The following TBL1X variants were observed in gnomAD, a reference collection of about 807,000 sequenced individuals.
The protein encoded by TBL1X is F-box-like/WD repeat-containing protein TBL1X.
Under a neutral mutation model 50.7 loss-of-function variants are expected in TBL1X, and 10 were observed. That is an observed-to-expected ratio of 0.20 (90% CI 0.12 to 0.33). The LOEUF (loss-of-function observed/expected upper bound fraction) is 0.33, where lower values mean the gene tolerates loss of function less well. TBL1X is among the 10% of genes least tolerant of loss of function. The probability of loss-of-function intolerance (pLI) is 1.00; values close to 1 mark genes in which losing one functional copy is unlikely to be tolerated. For missense variants in TBL1X, 340 were observed against 504.4 expected (o/e 0.67, Z 3.12); for synonymous variants, 190 against 214.7 (o/e 0.88, Z 1.01).
At chrX:9,468,317 C>G (rs1016265419) in intron 1 of TBL1X, among the ~76,000 whole-genome samples, 1 of 112,017 alleles carries the variant, frequency 8.9e-6, no homozygotes, top group Non-Finnish European at 1.9e-5. Context: ...AATGTTGCAG[C>G]CAACTAATGG....
At chrX:9,484,041 C>T (rs1744024835) in intron 1 of TBL1X, among the ~76,000 whole-genome samples, 2 of 112,174 alleles carry the variant, frequency 1.8e-5, no homozygotes, top group African/African-American at 6.5e-5. Context: ...TGTTTGTTTA[C>T]ATACATTTTT....
intron 1 of TBL1X, among the ~76,000 whole-genome samples, chrX:9,487,389 C>T (rs2081919064): frequency 9.0e-6 from 1 of 111,115 alleles, no homozygotes; most frequent in Admixed American, 9.6e-5. Flanking sequence ...TTCATAGATA[C>T]AGAATCATGT....
intron 2 of TBL1X, among the ~76,000 whole-genome samples, chrX:9,565,291 A>AAAAAAAT (rs2082345431): frequency 1.8e-5 from 2 of 108,146 alleles, no homozygotes; most frequent in Admixed American, 2.0e-4. Context: ...AAAAAAAAAA[A>AAAAAAAT]AATCATAATC....
At chrX:9,520,594 T>G (rs1365346569) in intron 2 of TBL1X, among the ~76,000 whole-genome samples, 1 of 111,630 alleles carries the variant, frequency 9.0e-6, no homozygotes, top group African/African-American at 3.3e-5. Context: ...CCACGTTGGC[T>G]TCCAGGGTAG....
chrX:9,677,589 G>C (rs189771771), intron 5 of TBL1X, among the ~76,000 whole-genome samples: 12 of 110,762 alleles, frequency 1.1e-4, no homozygotes, highest in African/African-American at 3.9e-4. Context: ...CCCGACTACT[G>C]TAGTCATAAA....
At position 9,717,042 on chromosome X, in the gene TBL1X, TGCGCTCGCGCTC is replaced by T. The variant is rs763042851; in HGVS notation, c.*805_*816del. The T allele has an allele frequency of 1.8e-5, 2 of 109,523 alleles. No individual in the cohort carries two copies. Among genetic ancestry groups the T allele is most frequent in the African/African-American group, 6.7e-5 (2 of 29,900 alleles). The allele number at this position is 109,523 out of a possible 1,213,427, so 9.0% of individuals were successfully genotyped here. On this transcript the variant is annotated 3_prime_UTR_variant, in exon 18 of 18. Coordinates refer to ENST00000645353, the MANE Select transcript of TBL1X (RefSeq NM_005647.4). ...GCCCTCTCCCACCCTCTCCTCCCCTTGCGCTCGCGCTCGCGCTCGCTTTCTCACTGGCGTGCT... is the reference window on the plus strand; with the variant it reads ...GCCCTCTCCCACCCTCTCCTCCCCTTGCGCTCGCTTTCTCACTGGCGTGCT...
intron 2 of TBL1X, among the ~76,000 whole-genome samples, chrX:9,550,540 G>A (rs1006903383): frequency 1.8e-5 from 2 of 111,700 alleles, no homozygotes; most frequent in Admixed American, 1.9e-4. Flanking sequence ...AAATCATCTC[G>A]GTAGAATATT....
chrX:9,482,325 T>C (rs1169519816), intron 1 of TBL1X, among the ~76,000 whole-genome samples: 1 of 111,949 alleles, frequency 8.9e-6, no homozygotes, highest in Non-Finnish European at 1.9e-5. Context: ...GTGCCCAGTG[T>C]TAATCTTTGT....
At chrX:9,567,479 T>G (rs1165574259) in intron 2 of TBL1X, among the ~76,000 whole-genome samples, 1 of 111,760 alleles carries the variant, frequency 8.9e-6, no homozygotes, top group Non-Finnish European at 1.9e-5. Context: ...TTCCTTCCCC[T>G]GGGATCAACC....
chrX:9,531,885 A>G (rs1202707888), intron 2 of TBL1X, among the ~76,000 whole-genome samples: 2 of 110,535 alleles, frequency 1.8e-5, no homozygotes, highest in Non-Finnish European at 3.8e-5. Flanking sequence ...GGCGCGCACC[A>G]CTACCACCCG....
At chrX:9,562,340 T>G (rs1028705408) in intron 2 of TBL1X, among the ~76,000 whole-genome samples, 2 of 112,528 alleles carry the variant, frequency 1.8e-5, no homozygotes, top group Admixed American at 1.9e-4. Context: ...TTTAATCTTT[T>G]GCTGTAATTT....
At chrX:9,497,773 C>CCTCTCTCT (rs1255795207) in intron 1 of TBL1X, among the ~76,000 whole-genome samples, 80 of 76,300 alleles carry the variant, frequency 1.0e-3, no homozygotes, top group African/African-American at 4.2e-3. Context: ...TCCCTCCCTC[C>CCTCTCTCT]CTCTCTCTCT....
chrX:9,557,595 C>T (rs2082306804), intron 2 of TBL1X, among the ~76,000 whole-genome samples: 1 of 111,036 alleles, frequency 9.0e-6, no homozygotes, highest in Non-Finnish European at 1.9e-5. Context: ...TAAAGGGTAG[C>T]GATTGAGGAG....
At position 9,697,440 on chromosome X, in the gene TBL1X, TG is replaced by T. The variant is rs746411664; in HGVS notation, c.1114+12del. ...TTCCTTTTCATTCAGGTGAGTTTTT[TG>T]TTGTTGTTGTTGTTGTTTGTTTTTT... On this transcript the variant is annotated intron_variant, in intron 12 of 17. Transcript: ENST00000645353. 7.5e-6 allele frequency: 9 copies of T among 1,198,292 alleles called. No homozygotes were observed. The highest frequency in any genetic ancestry group is 7.2e-5 in the South Asian group (4 of 55,193).
At chrX:9,714,357 AG>A (rs1054266673) in intron 16 of TBL1X, among the ~76,000 whole-genome samples, 4 of 112,138 alleles carry the variant, frequency 3.6e-5, no homozygotes, top group Non-Finnish European at 7.5e-5. Context: ...GTATTCATTC[AG>A]GTCCTCCAAA....
At chrX:9,472,684 G>C (rs772578389) in intron 1 of TBL1X, among the ~76,000 whole-genome samples, 107 of 110,173 alleles carry the variant, frequency 9.7e-4, no homozygotes, top group African/African-American at 3.4e-3. Flanking sequence ...GAGGCTGAGG[G>C]GGGCAGATCA....
At chrX:9,639,474 A>G (rs2082764196) in intron 2 of TBL1X, among the ~76,000 whole-genome samples, 1 of 112,180 alleles carries the variant, frequency 8.9e-6, no homozygotes, top group Non-Finnish European at 1.9e-5. Context: ...GAAATTTTAT[A>G]AGGTAAATAT....
intron 7 of TBL1X, among the ~76,000 whole-genome samples, chrX:9,689,483 C>T (rs951568666): frequency 1.8e-5 from 2 of 112,032 alleles, no homozygotes; most frequent in African/African-American, 6.5e-5. Context: ...GACCTCTTAC[C>T]AGCCTTCTAT....
chrX:9,494,866 G>GTCT (rs1321046366), intron 1 of TBL1X, among the ~76,000 whole-genome samples: 2 of 112,124 alleles, frequency 1.8e-5, no homozygotes, highest in East Asian at 5.6e-4. Context: ...TCCACATCAG[G>GTCT]TCTTAGAGGA....
Sources: gnomAD v4.1 joint callset for allele counts (sites outside exome capture counted in the v4.1 genomes callset) on GRCh38, gnomAD v4.1.1 for gene constraint, MANE v1.5 for transcripts, NCBI Gene and HGNC (gene_info 2026-07-23, HGNC 2026-07-21) for gene names.